The following WWOX variants were observed in gnomAD, a reference collection of about 807,000 sequenced individuals.
The protein encoded by WWOX is WW domain containing oxidoreductase, also known as WW domain-containing oxidoreductase.
In WWOX, 69 loss-of-function variants were observed where a neutral mutation model predicts 46.2. The ratio of observed to expected loss-of-function variants is 1.49; its 90% CI spans 1.23 to 1.82. WWOX has a LOEUF of 1.82. Among genes scored for constraint, WWOX ranks in the 40% most tolerant of loss-of-function variants. The probability of loss-of-function intolerance (pLI) is 0.00; values close to 1 mark genes in which losing one functional copy is unlikely to be tolerated. For synonymous variants in WWOX, 359 were observed against 202.6 expected (o/e 1.77, Z -6.56); for missense variants, 919 against 542.6 (o/e 1.69, Z -6.89).
At chr16:79,025,374 A>T (rs751538126) in intron 8 of WWOX, among the ~76,000 whole-genome samples, 7 of 152,224 alleles carry the variant, frequency 4.6e-5, no homozygotes, top group Admixed American at 1.3e-4. Flanking sequence ...GTCTTTGCAG[A>T]TAAGTTCAGT....
chr16:78,225,740 A>T (rs2037032778), intron 5 of WWOX, among the ~76,000 whole-genome samples: 1 of 152,186 alleles, frequency 6.6e-6, no homozygotes, highest in Non-Finnish European at 1.5e-5. Flanking sequence ...TAATTAAGAA[A>T]ACTGTGCTTC....
chr16:79,205,701 A>C (rs190403462), intron 8 of WWOX: 2 of 152,340 alleles, frequency 1.3e-5, no homozygotes, highest in Admixed American at 1.3e-4. Flanking sequence ...TTCAATACCT[A>C]CAGGAAGTAT....
intron 8 of WWOX, among the ~76,000 whole-genome samples, chr16:78,842,234 C>T (rs1408814124): frequency 6.6e-6 from 1 of 151,838 alleles, no homozygotes; most frequent in South Asian, 2.1e-4. Context: ...TGGCTCTCTC[C>T]TGTAATCTCA....
chr16:78,961,410 C>G (rs1282162032), intron 8 of WWOX, among the ~76,000 whole-genome samples: 1 of 152,018 alleles, frequency 6.6e-6, no homozygotes, highest in East Asian at 1.9e-4. Flanking sequence ...AAAGATAACA[C>G]TCAGCAGATA....
intron 8 of WWOX, among the ~76,000 whole-genome samples, chr16:79,094,601 G>C (rs1350681966): frequency 6.6e-6 from 1 of 151,938 alleles, no homozygotes; most frequent in African/African-American, 2.4e-5. Context: ...AACTGCATCA[G>C]AGTAACCGTT....
chr16:78,855,927 T>C (rs2052555657), intron 8 of WWOX, among the ~76,000 whole-genome samples: 3 of 152,134 alleles, frequency 2.0e-5, no homozygotes, highest in Non-Finnish European at 4.4e-5. Context: ...AAGACAGACT[T>C]GGGAACAAAT....
intron 8 of WWOX, among the ~76,000 whole-genome samples, chr16:79,180,007 C>T (rs2050878315): frequency 6.6e-6 from 1 of 151,528 alleles, no homozygotes; most frequent in Non-Finnish European, 1.5e-5. Context: ...TTTTTTTTCC[C>T]CTTATCCCAT....
intron 5 of WWOX, among the ~76,000 whole-genome samples, chr16:78,334,577 G>A (rs886457235): frequency 6.6e-6 from 1 of 152,026 alleles, no homozygotes; most frequent in African/African-American, 2.4e-5. Context: ...TCACATTTGT[G>A]TAATCAAGAT....
chr16:78,917,776 C>A (rs1234080984), intron 8 of WWOX, among the ~76,000 whole-genome samples: 2 of 152,038 alleles, frequency 1.3e-5, no homozygotes, highest in Non-Finnish European at 2.9e-5. Flanking sequence ...TAATAAATAT[C>A]TGCTAGTTTT....
At chr16:79,105,470 A>G (rs373333089) in intron 8 of WWOX, among the ~76,000 whole-genome samples, 2 of 152,074 alleles carry the variant, frequency 1.3e-5, no homozygotes, top group South Asian at 4.2e-4. Flanking sequence ...ACCTAAACCA[A>G]TATCCACATT....
intron 8 of WWOX, among the ~76,000 whole-genome samples, chr16:78,960,161 T>G (rs369842515): frequency 2.2e-4 from 34 of 152,230 alleles, no homozygotes; most frequent in African/African-American, 7.5e-4. Flanking sequence ...AACAGCTAAT[T>G]CCAGAAAGCC....
intron 8 of WWOX, among the ~76,000 whole-genome samples, chr16:79,139,098 C>T (rs968356572): frequency 2.0e-5 from 3 of 152,226 alleles, no homozygotes; most frequent in Admixed American, 6.5e-5. Context: ...CCACCAGCTT[C>T]CCCGGCCCCA....
chr16:78,496,683 G>A (rs1406384131), intron 8 of WWOX, among the ~76,000 whole-genome samples: 1 of 152,204 alleles, frequency 6.6e-6, no homozygotes, highest in Non-Finnish European at 1.5e-5. Context: ...GGTTTCAGGT[G>A]TCCCTTTAGA....
At chr16:78,590,867 C>G (rs1302928481) in intron 8 of WWOX, among the ~76,000 whole-genome samples, 1 of 152,140 alleles carries the variant, frequency 6.6e-6, no homozygotes, top group Admixed American at 6.5e-5. Context: ...AGAGCTCAGA[C>G]TCCAGCGTTT....
intron 8 of WWOX, among the ~76,000 whole-genome samples, chr16:78,864,674 A>G (rs1343745246): frequency 6.6e-6 from 1 of 151,028 alleles, no homozygotes. Context: ...CCCTGTTAGC[A>G]CAGGGTCTGA....
intron 8 of WWOX, among the ~76,000 whole-genome samples, chr16:78,709,016 A>G (rs1477843927): frequency 6.6e-6 from 1 of 152,162 alleles, no homozygotes; most frequent in Non-Finnish European, 1.5e-5. Flanking sequence ...CTCATAAACT[A>G]TGTTTCGAAA....
intron 5 of WWOX, chr16:78,237,234 A>AGTTTGT (rs2037471868): frequency 6.6e-6 from 1 of 152,204 alleles, no homozygotes; most frequent in African/African-American, 2.4e-5. Context: ...GAAAATGTGT[A>AGTTTGT]ATGGAAATGA....
chr16:79,014,504 G>T (rs747297247), intron 8 of WWOX, among the ~76,000 whole-genome samples: 2 of 152,140 alleles, frequency 1.3e-5, no homozygotes, highest in Non-Finnish European at 1.5e-5. Flanking sequence ...AAATCCAGCC[G>T]TTGCTCCAGA....
chr16:79,020,143 G>A (rs2047502106), intron 8 of WWOX, among the ~76,000 whole-genome samples: 1 of 152,180 alleles, frequency 6.6e-6, no homozygotes, highest in African/African-American at 2.4e-5. Flanking sequence ...TGGGGAGAGT[G>A]CTTGTCTTTG....
Sources: gnomAD v4.1 joint callset for allele counts (sites outside exome capture counted in the v4.1 genomes callset) on GRCh38, gnomAD v4.1.1 for gene constraint, MANE v1.5 for transcripts, NCBI Gene and HGNC (gene_info 2026-07-23, HGNC 2026-07-21) for gene names.